RNF38: variants seen among roughly 807,000 people sequenced by gnomAD.
RNF38 encodes the protein ring finger protein 38, also known as E3 ubiquitin-protein ligase RNF38.
Under a neutral mutation model 67.2 loss-of-function variants are expected in RNF38, and 15 were observed. The ratio of observed to expected loss-of-function variants is 0.22; its 90% CI spans 0.15 to 0.34. The LOEUF (loss-of-function observed/expected upper bound fraction) is 0.34, where lower values mean the gene tolerates loss of function less well. RNF38 is among the 10% of genes least tolerant of loss of function. The pLI is 1.00. For missense variants in RNF38, 524 were observed against 639.9 expected, an observed-to-expected ratio of 0.82 and a Z score of 1.95; for synonymous variants, 220 against 218.8, an observed-to-expected ratio of 1.01 and a Z score of -0.05.
chr9:36,356,658 A>G (rs1834127043), intron 5 of RNF38, among the ~76,000 whole-genome samples, 185 bp from the exon 6 acceptor site: 1 of 150,832 alleles, frequency 6.6e-6, no homozygotes, highest in Non-Finnish European at 1.5e-5. Context: ...AATGGTACTA[A>G]TAACTATTCT....
intron 1 of RNF38, among the ~76,000 whole-genome samples, chr9:36,451,481 A>G (rs1357325792): frequency 7.0e-6 from 1 of 143,598 alleles, no homozygotes; most frequent in African/African-American, 2.7e-5. Flanking sequence ...AAGAAAAAAA[A>G]ATTGTAGTAG....
chr9:36,415,423 TTTTTTTTG>T (rs201738060), intron 2 of RNF38, among the ~76,000 whole-genome samples: 3,974 of 149,702 alleles, frequency 0.027, 68 homozygotes, highest in South Asian at 0.055. Flanking sequence ...CCGTATCTTG[TTTTTTTTG>T]TTTTTTTGTT....
intron 1 of RNF38, among the ~76,000 whole-genome samples, chr9:36,444,470 GA>G (rs1484379286): frequency 6.6e-6 from 1 of 152,090 alleles, no homozygotes; most frequent in African/African-American, 2.4e-5. Flanking sequence ...AAAAGCTGAA[GA>G]AAAATAAGAG....
intron 2 of RNF38, among the ~76,000 whole-genome samples, chr9:36,407,174 T>C (rs944870856): frequency 6.6e-6 from 1 of 151,978 alleles, no homozygotes; most frequent in Non-Finnish European, 1.5e-5. Flanking sequence ...CAAATCAAAG[T>C]AGAAAAAGTT....
chr9:36,352,577 GTTCT>G (rs1199825652), intron 8 of RNF38, among the ~76,000 whole-genome samples, 161 bp downstream of exon 8: 1 of 151,988 alleles, frequency 6.6e-6, no homozygotes, highest in Non-Finnish European at 1.5e-5. Context: ...CTATGTTACT[GTTCT>G]TTCTTTCAGC....
chr9:36,384,643 T>C (rs1419426164), intron 2 of RNF38, among the ~76,000 whole-genome samples: 1 of 152,238 alleles, frequency 6.6e-6, no homozygotes, highest in Non-Finnish European at 1.5e-5. Context: ...AATTTGCCGT[T>C]TGGTATTGGA....
chr9:36,461,770 T>C (rs918914617), intron 1 of RNF38, among the ~76,000 whole-genome samples: 1 of 149,462 alleles, frequency 6.7e-6, no homozygotes, highest in African/African-American at 2.6e-5. Context: ...GACTCCTAGA[T>C]TCCTGGTTTA....
At chr9:36,373,784 CTTTT>C (rs1564019202) in intron 3 of RNF38, among the ~76,000 whole-genome samples, 1 of 151,302 alleles carries the variant, frequency 6.6e-6, no homozygotes, top group Admixed American at 6.6e-5. Context: ...CCTTGCTAGC[CTTTT>C]TTTGTTTTTT....
At chr9:36,344,974 A>G in intron 9 of RNF38, 21 bp from the exon 10 acceptor site, 2 of 1,595,148 alleles carry the variant, frequency 1.3e-6, no homozygotes, top group Admixed American at 1.8e-5. Flanking sequence ...AAAAGACGAC[A>G]TATTTTCATC....
At chr9:36,467,877 A>G (rs1839901591) in intron 1 of RNF38, among the ~76,000 whole-genome samples, 1 of 152,202 alleles carries the variant, frequency 6.6e-6, no homozygotes, top group Non-Finnish European at 1.5e-5. Context: ...TGTTTATAAA[A>G]GAAATAATTA....
chr9:36,386,591 G>A (rs1320519772), intron 2 of RNF38, among the ~76,000 whole-genome samples: 3 of 152,100 alleles, frequency 2.0e-5, no homozygotes, highest in Non-Finnish European at 2.9e-5. Context: ...TTCCCATCAC[G>A]TTAGGCATTC....
chr9:36,407,675 C>T (rs1159608629), intron 2 of RNF38, among the ~76,000 whole-genome samples: 1 of 152,140 alleles, frequency 6.6e-6, no homozygotes. Flanking sequence ...TCTTTGAAGC[C>T]ACACTCTTGC....
intron 1 of RNF38, among the ~76,000 whole-genome samples, chr9:36,485,717 A>C (rs1840394062): frequency 6.6e-6 from 1 of 152,210 alleles, no homozygotes; most frequent in Admixed American, 6.5e-5. Flanking sequence ...CTAAGGTGCA[A>C]GAGGGCAGCA....
chr9:36,482,486 G>A (rs1212224177), intron 1 of RNF38, among the ~76,000 whole-genome samples: 1 of 151,256 alleles, frequency 6.6e-6, no homozygotes, highest in African/African-American at 2.4e-5. Flanking sequence ...CAAAGTAGCT[G>A]GGATTACAGG....
At chr9:36,427,415 A>C (rs545997698) in intron 1 of RNF38, among the ~76,000 whole-genome samples, 1 of 152,292 alleles carries the variant, frequency 6.6e-6, no homozygotes, top group African/African-American at 2.4e-5. Context: ...CCTTGTTATC[A>C]AAATTCCTAT....
Position 36,369,656 on chromosome 9 carries a change from A to G in RNF38, c.570+63T>C, listed in dbSNP as rs1009998485. 6.4e-6 allele frequency: 9 copies of G among 1,402,540 alleles called. No homozygotes were observed. In the African/African-American group the frequency reaches 8.7e-5, roughly 14 times the overall value. The allele number at this position is 1,402,540 out of a possible 1,614,324, so 86.9% of individuals were successfully genotyped here. A position where few individuals can be genotyped will look rare whatever the true frequency, so the allele number is the denominator to read the frequency against. ...AAATTTGCAACAAAAAGCCAAAAAA[A>G]AAAAATCTCAAACTGCCACAAAATT... is the stretch of plus-strand genomic sequence containing the variant. On this transcript the variant is annotated intron_variant, in intron 4 of 11. Coordinates refer to ENST00000259605, the MANE Select transcript of RNF38 (RefSeq NM_022781.5).
chr9:36,337,646 A>G lies in RNF38; in HGVS notation c.*2106T>C, dbSNP rs1423892543. ...AAGATGGGCTTTTGCCATTTTAAACATGATTTTTTTTCATTAAAAAAGATT... is the reference window on the plus strand; with the variant it reads ...AAGATGGGCTTTTGCCATTTTAAACGTGATTTTTTTTCATTAAAAAAGATT... On this transcript the variant is annotated 3_prime_UTR_variant, in exon 12 of 12. Transcript: ENST00000259605. 6.8e-6 allele frequency: 1 copy of G among 147,242 alleles called. No individual in the cohort carries two copies. Among genetic ancestry groups the G allele is most frequent in the South Asian group, 2.1e-4 (1 of 4,658 alleles). The allele number at this position is 147,242 out of a possible 1,614,324, so 9.1% of individuals were successfully genotyped here.
chr9:36,361,591 A>G (rs1834541366), intron 4 of RNF38, among the ~76,000 whole-genome samples: 1 of 152,236 alleles, frequency 6.6e-6, no homozygotes, highest in Non-Finnish European at 1.5e-5. Context: ...ACACTTGAGC[A>G]TTCAAAAAAG....
chr9:36,357,694 A>C, intron 5 of RNF38, 81 bp downstream of exon 5: 1 of 1,081,144 alleles, frequency 9.2e-7, no homozygotes, highest in Non-Finnish European at 1.4e-6. Context: ...TAAAGAGGGT[A>C]AGAGTCGGGA....
Sources: allele counts gnomAD v4.1 joint callset (sites outside exome capture counted in the v4.1 genomes callset), GRCh38; gene constraint gnomAD v4.1.1; transcripts MANE v1.5; gene names NCBI Gene and HGNC (gene_info 2026-07-23, HGNC 2026-07-21).